Variants in KIF14 observed in about 807,000 individuals in gnomAD.
The protein encoded by KIF14 is kinesin-like protein KIF14.
KIF14 carries 98 observed loss-of-function variants against 176.2 expected under a neutral mutation model. The ratio of observed to expected loss-of-function variants is 0.56; its 90% confidence interval spans 0.47 to 0.66. The LOEUF is 0.66. KIF14 is among the 30% of genes least tolerant of loss of function. The probability of loss-of-function intolerance (pLI) is 0.00; values close to 1 mark genes in which losing one functional copy is unlikely to be tolerated. For synonymous variants in KIF14, 566 were observed against 632.2 expected (o/e 0.90, Z 1.57); for missense variants, 1,751 against 1,920.4 (o/e 0.91, Z 1.65).
chr1:200,559,488 A>G, intron 26 of KIF14, 36 bp from the exon 27 acceptor site: 1 of 1,323,006 alleles, frequency 7.6e-7, no homozygotes, highest in Non-Finnish European at 1.0e-6. Context: ...TAGAAAATTT[A>G]GGTTTTATGT....
chr1:200,554,222 C>G (rs909811045), intron 29 of KIF14, among the ~76,000 whole-genome samples: 1 of 152,094 alleles, frequency 6.6e-6, no homozygotes, highest in African/African-American at 2.4e-5. Context: ...GAAACCCCAT[C>G]TCTACTAAAA....
Position 200,603,348 on chromosome 1 carries a change from G to A in KIF14, c.1864-7C>T. ...TATTAATACTCACACCTTCCTGCAT[G>A]CAAGAAAAAAAAAATTTTTAACTTA... On this transcript the variant is annotated splice_region_variant and splice_polypyrimidine_tract_variant and intron_variant, in intron 9 of 29. Coordinates refer to ENST00000367350, the MANE Select transcript of KIF14 (RefSeq NM_014875.3). 1 of 1,465,396 alleles carries A rather than the reference G, an allele frequency of 6.8e-7. No individual in the cohort carries two copies. The highest frequency in any genetic ancestry group is 2.0e-5 in the Admixed American group (1 of 50,254). 90.8% of individuals were successfully genotyped at this position (1,465,396 alleles called of 1,614,324 possible).
intron 14 of KIF14, among the ~76,000 whole-genome samples, chr1:200,597,786 A>C (rs1260038446): frequency 1.3e-5 from 2 of 152,230 alleles, no homozygotes; most frequent in Non-Finnish European, 2.9e-5. Flanking sequence ...GAACCAATGT[A>C]CACAAATCTT....
At chr1:200,568,376 C>A (rs1220234551) in intron 23 of KIF14, among the ~76,000 whole-genome samples, 1 of 152,046 alleles carries the variant, frequency 6.6e-6, no homozygotes, top group Non-Finnish European at 1.5e-5. Context: ...TTTTAATCTA[C>A]CTTAGATTAA....
chr1:200,559,877 C>T (rs1292763149), intron 26 of KIF14, among the ~76,000 whole-genome samples: 1 of 152,022 alleles, frequency 6.6e-6, no homozygotes, highest in Non-Finnish European at 1.5e-5. Context: ...ATCTCAGCCT[C>T]CTGAGTAGCT....
chr1:200,617,716 G>A lies in KIF14; in HGVS notation c.1008C>T (p.Pro336=), dbSNP rs1429798162. 8.1e-6 allele frequency: 13 copies of A among 1,613,886 alleles called. No individual in the cohort carries two copies. Among genetic ancestry groups the A allele is most frequent in the African/African-American group, 6.7e-5 (5 of 74,862 alleles). The change falls in exon 2 of 30, where the codon CCC becomes CCT. Residue 336 remains proline (P), a synonymous_variant. Coordinates refer to ENST00000367350, the MANE Select transcript of KIF14 (RefSeq NM_014875.3). ...QERSAENTIL[P]EEETVVQNTS... is the part of the protein sequence containing the mutation. ...TGTTCTGAACTACAGTTTCTTCTTC[G>A]GGAAGAATTGTATTTTCTGCGGATC...
intron 3 of KIF14, among the ~76,000 whole-genome samples, chr1:200,614,760 T>C (rs1331728098): frequency 1.4e-5 from 2 of 144,312 alleles, no homozygotes; most frequent in Non-Finnish European, 3.0e-5. Context: ...GGAAGCTCTG[T>C]TCTTTCGCTC....
intron 25 of KIF14, among the ~76,000 whole-genome samples, chr1:200,564,348 C>A (rs1195764040): frequency 6.6e-6 from 1 of 151,794 alleles, no homozygotes; most frequent in Non-Finnish European, 1.5e-5. Flanking sequence ...TGGGGCTCCT[C>A]CATAGTGGGT....
Position 200,618,759 on chromosome 1 carries a change from A to G in KIF14, c.-36T>C, listed in dbSNP as rs1290996698. 6.6e-7 allele frequency: 1 copy of G among 1,509,624 alleles called. No homozygotes were observed. Among genetic ancestry groups the G allele is most frequent in the Non-Finnish European group, 9.0e-7 (1 of 1,113,062 alleles). 93.5% of individuals were successfully genotyped at this position (1,509,624 alleles called of 1,614,324 possible). Reference sequence around the variant, plus strand: ...AGTTATTTTAAAAAAGAATGTTACTAAGACCCTAAGCTCTTCTTTGGACAT... The same window carrying G: ...AGTTATTTTAAAAAAGAATGTTACTGAGACCCTAAGCTCTTCTTTGGACAT... On this transcript the variant is annotated 5_prime_UTR_variant, in exon 2 of 30. Transcript: ENST00000367350.
At position 200,602,008 on chromosome 1, in the gene KIF14, G is replaced by A. The variant is rs147146959; in HGVS notation, c.2040C>T (p.Pro680=). The A allele has an allele frequency of 8.9e-5, 144 of 1,613,734 alleles. No homozygotes were observed. The African/African-American group carries it at 1.1e-3, about 13-fold the overall frequency. ...SKTAMIATIS[P]AASNIEETLS... ...ATGTTTCTTCTATGTTGCTGGCAGCGGGACTAATCGTAGCAATCATTGCAG... is the reference window on the plus strand; with the variant it reads ...ATGTTTCTTCTATGTTGCTGGCAGCAGGACTAATCGTAGCAATCATTGCAG... Residue 680 remains proline, a synonymous_variant, in exon 11 of 30, where the codon CCC becomes CCT. Transcript: ENST00000367350.
At chr1:200,600,142 T>A in intron 12 of KIF14, 29 bp from the exon 13 acceptor site, 1 of 1,501,404 alleles carries the variant, frequency 6.7e-7, no homozygotes, top group Non-Finnish European at 9.2e-7. Flanking sequence ...AATAACAGAG[T>A]TAAAAACATC....
chr1:200,618,361 T>A lies in KIF14; in HGVS notation c.363A>T (p.Leu121Phe). The change falls in exon 2 of 30, where the codon TTA (leucine) becomes TTT (phenylalanine). Residue 121 changes from leucine (L) to phenylalanine (F), a missense_variant. Coordinates refer to ENST00000367350, the MANE Select transcript of KIF14 (RefSeq NM_014875.3). ...TEKTAETRLT[L>F]QRRAKTDSAE... ...CAGAATCTGTTTTAGCACGACGTTG[T>A]AATGTAAGACGTGTTTCTGCTGTTT... 6.2e-7 allele frequency: 1 copy of A among 1,614,170 alleles called. No homozygotes were observed. Among genetic ancestry groups the A allele is most frequent in the Non-Finnish European group, 8.5e-7 (1 of 1,180,026 alleles).
chr1:200,609,001 T>C (rs2102757225), intron 4 of KIF14, 73 bp from the exon 5 acceptor site: 3 of 723,902 alleles, frequency 4.1e-6, no homozygotes, highest in East Asian at 5.5e-5. Flanking sequence ...TAGGAACTAG[T>C]ATCCAAAATA....
intron 23 of KIF14, 47 bp from the exon 24 acceptor site, chr1:200,565,716 T>C (rs1230211128): frequency 2.4e-6 from 3 of 1,258,196 alleles, no homozygotes; most frequent in Non-Finnish European, 3.3e-6. Context: ...TCAGGAATAA[T>C]ACTTTCTTTT....
Position 200,559,405 on chromosome 1 carries a change from C to A in KIF14, c.4278G>T (p.Lys1426Asn). ...AVCDGVGLGM[K>N]ILLDSGLEKA... ...TTTCCAGTCCAGAATCTAATAAAAT[C>A]TTCATTCCTAAGCCTACACCATCAC... The change falls in exon 27 of 30, where the codon AAG (lysine) becomes AAT (asparagine). Residue 1426 changes from lysine (K) to asparagine (N), a missense_variant. Physicochemically the swap from Lys to Asn is moderately conservative, Grantham distance 94. Coordinates refer to ENST00000367350, the MANE Select transcript of KIF14 (RefSeq NM_014875.3). 3 of 1,590,380 alleles carry A rather than the reference C, an allele frequency of 1.9e-6. No homozygotes were observed. Among genetic ancestry groups the A allele is most frequent in the Non-Finnish European group, 2.6e-6 (3 of 1,167,152 alleles).
At chr1:200,577,527 T>C (rs904809550) in intron 21 of KIF14, among the ~76,000 whole-genome samples, 1 of 151,878 alleles carries the variant, frequency 6.6e-6, no homozygotes, top group Non-Finnish European at 1.5e-5. Flanking sequence ...CCAGGCACAG[T>C]GGCTCACGCC....
At chr1:200,599,924 T>G in intron 13 of KIF14, 126 bp downstream of exon 13, 1 of 626,270 alleles carries the variant, frequency 1.6e-6, no homozygotes, top group Non-Finnish European at 2.8e-6. Context: ...CGGTATTGCT[T>G]TGTACAGAGT....
rs750012768 is a variant in KIF14 at position 200,593,719 on chromosome 1, G to A, written c.2600C>T (p.Ala867Val). 1 of 1,612,700 alleles carries A rather than the reference G, an allele frequency of 6.2e-7. No individual in the cohort carries two copies. ...GTVSIIPVGE[A>V]KTYVNGKHIL... ...ATGTTTTCCATTTACATATGTCTTT[G>A]CTTCCCCAACTGGGATAATACTCAC... is the stretch of plus-strand genomic sequence containing the variant. The change falls in exon 15 of 30, where the codon GCA becomes GTA. Residue 867 changes from alanine to valine, a missense_variant. Transcript: ENST00000367350.
chr1:200,553,815 A>T lies in KIF14; in HGVS notation c.4568-48T>A, dbSNP rs776791126. On this transcript the variant is annotated intron_variant, in intron 29 of 29. Coordinates refer to ENST00000367350, the MANE Select transcript of KIF14 (RefSeq NM_014875.3). ...AAGTTAATTAGCCTTTTCAGTTTTC[A>T]TCAGGTATTTATGACTTTTATAGAC... The T allele has an allele frequency of 5.9e-6, 9 of 1,516,178 alleles. No individual in the cohort carries two copies. In the South Asian group the frequency reaches 1.1e-4, roughly 18 times the overall value. 93.9% of individuals were successfully genotyped at this position (1,516,178 alleles called of 1,614,324 possible).
Sources: gnomAD v4.1 joint callset for allele counts (sites outside exome capture counted in the v4.1 genomes callset) on GRCh38, gnomAD v4.1.1 for gene constraint, MANE v1.5 for transcripts, NCBI Gene and HGNC (gene_info 2026-07-23, HGNC 2026-07-21) for gene names.